Variants in STX7 observed in about 807,000 individuals in gnomAD.
STX7 encodes the protein syntaxin 7, also known as syntaxin-7.
In STX7, 34 loss-of-function variants were observed where a neutral mutation model predicts 39.6. The ratio of observed to expected loss-of-function variants is 0.86; its 90% confidence interval spans 0.65 to 1.14. The LOEUF (loss-of-function observed/expected upper bound fraction) is 1.14. Ranked by LOEUF, STX7 falls within the 50% of genes most tolerant of loss-of-function variation. The pLI is 0.00. For synonymous variants in STX7, 119 were observed against 99.1 expected, an observed-to-expected ratio of 1.20 and a Z score of -1.19; for missense variants, 284 against 310.4, an observed-to-expected ratio of 0.92 and a Z score of 0.64.
intron 2 of STX7, among the ~76,000 whole-genome samples, chr6:132,486,089 T>A (rs550927090): frequency 5.6e-4 from 86 of 152,234 alleles, no homozygotes; most frequent in Non-Finnish European, 1.1e-3. Flanking sequence ...TTTTTTATTC[T>A]AGCAGGCTTT....
At position 132,456,120 on chromosome 6, in the gene STX7, A is replaced by G. The variant is rs1582639170; in HGVS notation, c.*4638T>C. ...TCAGGATGCCCAAGCTCTGAATCCA[A>G]CTGCTGCCACCAAGAGAACGGCTCC... On this transcript the variant is annotated 3_prime_UTR_variant, in exon 10 of 10. Transcript: ENST00000367941. 1 of 152,172 alleles carries G rather than the reference A, an allele frequency of 6.6e-6. No individual in the cohort carries two copies. Among genetic ancestry groups the G allele is most frequent in the Admixed American group, 6.5e-5 (1 of 15,280 alleles). The allele number at this position is 152,172 out of a possible 1,614,324, so 9.4% of individuals were successfully genotyped here. A position where few individuals can be genotyped will look rare whatever the true frequency, so the allele number is the denominator to read the frequency against.
chr6:132,468,524 C>A lies in STX7; in HGVS notation c.538-49G>T, dbSNP rs765004286. ...TATAATCAGAAATTCAGTCCCCATT[C>A]CATAAAAGAGGAAAAATTTTAAAAA... On this transcript the variant is annotated intron_variant, in intron 7 of 9. Coordinates refer to ENST00000367941, the MANE Select transcript of STX7 (RefSeq NM_003569.3). 3.4e-6 allele frequency: 5 copies of A among 1,483,600 alleles called. No homozygotes were observed. The East Asian group carries it at 1.2e-4, about 34-fold the overall frequency. 91.9% of individuals were successfully genotyped at this position (1,483,600 alleles called of 1,614,324 possible). A position where few individuals can be genotyped will look rare whatever the true frequency, so the allele number is the denominator to read the frequency against.
At chr6:132,476,416 T>C (rs891897055) in intron 2 of STX7, among the ~76,000 whole-genome samples, 24 of 152,008 alleles carry the variant, frequency 1.6e-4, no homozygotes, top group Admixed American at 2.6e-4. Flanking sequence ...CGAGATAACT[T>C]GCCTGGGCAT....
At chr6:132,479,600 T>G (rs1774966016) in intron 2 of STX7, among the ~76,000 whole-genome samples, 1 of 152,124 alleles carries the variant, frequency 6.6e-6, no homozygotes, top group African/African-American at 2.4e-5. Context: ...CCCCAACTCC[T>G]GAAGCACTTG....
intron 2 of STX7, among the ~76,000 whole-genome samples, chr6:132,494,163 G>C (rs937272647): frequency 6.6e-6 from 1 of 151,996 alleles, no homozygotes; most frequent in East Asian, 1.9e-4. Flanking sequence ...TAAAATGTCT[G>C]TTAATGAAGG....
At chr6:132,485,321 T>TA (rs528569422) in intron 2 of STX7, among the ~76,000 whole-genome samples, 4 of 152,194 alleles carry the variant, frequency 2.6e-5, no homozygotes, top group Non-Finnish European at 5.9e-5. Flanking sequence ...GTGTCTGGCT[T>TA]AAGTTAGCCT....
At chr6:132,503,794 T>A (rs953546304) in intron 1 of STX7, among the ~76,000 whole-genome samples, 5 of 151,898 alleles carry the variant, frequency 3.3e-5, no homozygotes, top group Non-Finnish European at 5.9e-5. Flanking sequence ...GTTAAACACA[T>A]CAAACAATTA....
intron 2 of STX7, among the ~76,000 whole-genome samples, chr6:132,479,678 T>C (rs183096170): frequency 9.2e-5 from 14 of 152,280 alleles, no homozygotes; most frequent in African/African-American, 2.6e-4. Context: ...ACAATATGGA[T>C]TTCCTCTTAC....
rs1475951944 is a variant in STX7 at position 132,453,624 on chromosome 6, CAT to C, written c.*7132_*7133del. 6.6e-6 allele frequency: 1 copy of C among 151,748 alleles called. No individual in the cohort carries two copies. The highest frequency in any genetic ancestry group is 2.4e-5 in the African/African-American group (1 of 41,336). The allele number at this position is 151,748 out of a possible 1,614,324, so 9.4% of individuals were successfully genotyped here. On this transcript the variant is annotated 3_prime_UTR_variant, in exon 10 of 10. Transcript: ENST00000367941. ...TCCAATTAGAAAAGACATGAAGAAA[CAT>C]GTCACTAAAGAAGAGATACAGGTGG... is the stretch of plus-strand genomic sequence containing the variant.
intron 2 of STX7, among the ~76,000 whole-genome samples, chr6:132,497,667 G>A (rs1775449934): frequency 6.6e-6 from 1 of 152,092 alleles, no homozygotes; most frequent in African/African-American, 2.4e-5. Flanking sequence ...ATTTTTCTAT[G>A]TTGTTTGTGT....
chr6:132,484,187 A>T (rs1332224165), intron 2 of STX7, among the ~76,000 whole-genome samples: 1 of 152,208 alleles, frequency 6.6e-6, no homozygotes, highest in African/African-American at 2.4e-5. Context: ...CACAGACGTG[A>T]CTTCAAAGAG....
At chr6:132,491,642 T>C (rs1775291769) in intron 2 of STX7, among the ~76,000 whole-genome samples, 1 of 152,146 alleles carries the variant, frequency 6.6e-6, no homozygotes, top group Admixed American at 6.6e-5. Flanking sequence ...CTGGCCTCCA[T>C]TCTTTGCACA....
At chr6:132,500,175 G>T (rs949450167) in intron 2 of STX7, among the ~76,000 whole-genome samples, 3 of 152,084 alleles carry the variant, frequency 2.0e-5, no homozygotes, top group African/African-American at 4.8e-5. Flanking sequence ...CTAAGCAGCA[G>T]CCAAAGTAAT....
chr6:132,498,128 T>G (rs1035335733), intron 2 of STX7, among the ~76,000 whole-genome samples: 1 of 152,224 alleles, frequency 6.6e-6, no homozygotes, highest in Non-Finnish European at 1.5e-5. Context: ...GAGTCAACGC[T>G]TTCTCTCATA....
intron 2 of STX7, among the ~76,000 whole-genome samples, chr6:132,491,312 G>A (rs1300718701): frequency 1.3e-5 from 2 of 151,292 alleles, no homozygotes; most frequent in African/African-American, 4.9e-5. Context: ...CAGTTTAAAG[G>A]AAGATCACAA....
rs1340420415 is a variant in STX7 at position 132,458,796 on chromosome 6, A to G, written c.*1962T>C. On this transcript the variant is annotated 3_prime_UTR_variant, in exon 10 of 10. Coordinates refer to ENST00000367941, the MANE Select transcript of STX7 (RefSeq NM_003569.3). ...TATGTTTCTTAAACAAATTGAAGCC[A>G]CTAAAGTTCCTGTTTAAACCACTGA... 1 of 152,182 alleles carries G rather than the reference A, an allele frequency of 6.6e-6. No homozygotes were observed. The highest frequency in any genetic ancestry group is 6.5e-5 in the Admixed American group (1 of 15,278). The allele number at this position is 152,182 out of a possible 1,614,324, so 9.4% of individuals were successfully genotyped here.
At chr6:132,493,586 G>T (rs994435562) in intron 2 of STX7, among the ~76,000 whole-genome samples, 5 of 152,190 alleles carry the variant, frequency 3.3e-5, no homozygotes, top group Non-Finnish European at 7.3e-5. Flanking sequence ...CTTCCGCCAT[G>T]ATTGTGAGGC....
At position 132,449,670 on chromosome 6, in the gene STX7, AT is replaced by A. The variant is rs1774097926; in HGVS notation, c.*11087del. 6.6e-6 allele frequency: 1 copy of A among 152,172 alleles called. No individual in the cohort carries two copies. Among genetic ancestry groups the A allele is most frequent in the East Asian group, 1.9e-4 (1 of 5,198 alleles). The allele number at this position is 152,172 out of a possible 1,614,324, so 9.4% of individuals were successfully genotyped here. The stretch of plus-strand genomic sequence containing the variant: ...TGGTGAATCTGCTCTTAAACCATTC[AT>A]TATGTTATATATTTCAATAATTAAA... On this transcript the variant is annotated 3_prime_UTR_variant, in exon 10 of 10. Coordinates refer to ENST00000367941, the MANE Select transcript of STX7 (RefSeq NM_003569.3).
At chr6:132,486,314 T>C (rs1248185590) in intron 2 of STX7, among the ~76,000 whole-genome samples, 1 of 152,186 alleles carries the variant, frequency 6.6e-6, no homozygotes, top group Non-Finnish European at 1.5e-5. Flanking sequence ...CATTCTGTCT[T>C]TCACCATTAA....
Sources: gnomAD v4.1 joint callset for allele counts (sites outside exome capture counted in the v4.1 genomes callset) on GRCh38, gnomAD v4.1.1 for gene constraint, MANE v1.5 for transcripts, NCBI Gene and HGNC (gene_info 2026-07-23, HGNC 2026-07-21) for gene names.